The following GON4L variants were observed in gnomAD, a reference collection of about 807,000 sequenced individuals.
GON4L encodes GON-4-like protein.
Under a neutral mutation model 211.8 loss-of-function variants are expected in GON4L, and 87 were observed. The observed-to-expected ratio is 0.41, with a 90% CI of 0.35 to 0.49. GON4L has a LOEUF of 0.49. Ranked by LOEUF, GON4L falls within the 20% of genes least tolerant of loss-of-function variation. GON4L has a pLI of 0.15. For missense variants in GON4L, 2,155 were observed against 2,659.5 expected, an observed-to-expected ratio of 0.81 and a Z score of 4.17; for synonymous variants, 875 against 962.6, an observed-to-expected ratio of 0.91 and a Z score of 1.68.
intron 14 of GON4L, among the ~76,000 whole-genome samples, chr1:155,781,746 C>A (rs775015749): frequency 2.6e-5 from 4 of 151,492 alleles, no homozygotes; most frequent in Non-Finnish European, 5.9e-5. Flanking sequence ...CTGGCGTGAG[C>A]CACCGCACCC....
rs1217696761 is a variant in GON4L at position 155,752,385 on chromosome 1, CTCTT to C, written c.6044_6047del (p.Lys2015ArgfsTer8). 6.3e-7 allele frequency: 1 copy of C among 1,592,238 alleles called. No homozygotes were observed. The highest frequency in any genetic ancestry group is 8.6e-7 in the Non-Finnish European group (1 of 1,167,930). The stretch of plus-strand genomic sequence containing the variant: ...CACTCACTGCCTTTTGGCCCTCCCT[CTCTT>C]TCTGAAGTCTGGGGGATGCCTTGGG... On this transcript the variant is annotated frameshift_variant, in exon 30 of 32. Transcript: ENST00000368331. LOFTEE classifies it high-confidence loss of function.
chr1:155,752,715 C>T (rs12134456), intron 29 of GON4L, 125 bp from the exon 30 acceptor site: 1 of 1,446,956 alleles, frequency 6.9e-7, no homozygotes. Flanking sequence ...CATGGTGGCT[C>T]ACACCTATAA....
chr1:155,752,748 A>T (rs1330077197), intron 29 of GON4L, among the ~76,000 whole-genome samples, 158 bp from the exon 30 acceptor site: 2 of 152,162 alleles, frequency 1.3e-5, no homozygotes, highest in Admixed American at 1.3e-4. Flanking sequence ...GGGAAGCCAA[A>T]GTGGTGGGAC....
At chr1:155,846,174 C>T in intron 2 of GON4L, 1 of 231,110 alleles carries the variant, frequency 4.3e-6, no homozygotes, top group Admixed American at 4.1e-5. Context: ...TCTGTGATCA[C>T]CCTACACAAC....
Position 155,762,206 on chromosome 1 carries a change from T to C in GON4L, c.4895A>G (p.Gln1632Arg). Residue 1632 changes from glutamine (Q) to arginine (R), a missense_variant, in exon 23 of 32, where the codon CAA becomes CGA. By Grantham distance (43) the Gln-to-Arg change is conservative. Around this residue, in one of 6 missense-constraint regions of GON4L, gnomAD observed 455 missense variants for 504.6 expected, o/e 0.90. Transcript: ENST00000368331. Reference protein sequence around the residue: ...LREQKDLAFAQAYLTRVREAL... With the variant: ...LREQKDLAFARAYLTRVREAL... The stretch of plus-strand genomic sequence containing the variant: ...TTTGCCTACCCTGGTCAGATAAGCT[T>C]GGGCAAAGGCCAAGTCCTTCTGCTC... The C allele has an allele frequency of 1.2e-6, 2 of 1,607,848 alleles. No homozygotes were observed. Among genetic ancestry groups the C allele is most frequent in the Non-Finnish European group, 1.7e-6 (2 of 1,177,270 alleles).
chr1:155,777,539 A>G, intron 15 of GON4L, 83 bp downstream of exon 15: 1 of 1,007,294 alleles, frequency 9.9e-7, no homozygotes. Flanking sequence ...ATATCGGGCC[A>G]CTGCACTCCA....
chr1:155,751,663 C>T (rs2101604551), intron 31 of GON4L, 104 bp downstream of exon 31: 6 of 780,180 alleles, frequency 7.7e-6, no homozygotes, highest in Non-Finnish European at 1.1e-5. Context: ...TTTACAAAAA[C>T]CACTTATTAT....
At chr1:155,839,691 G>C (rs1474617398) in intron 2 of GON4L, among the ~76,000 whole-genome samples, 2 of 150,968 alleles carry the variant, frequency 1.3e-5, no homozygotes, top group African/African-American at 2.4e-5. Flanking sequence ...AAGTCAGAAA[G>C]TTCATTCAAC....
intron 2 of GON4L, among the ~76,000 whole-genome samples, chr1:155,830,479 G>A (rs1669654660): frequency 1.3e-5 from 2 of 151,838 alleles, no homozygotes; most frequent in South Asian, 4.2e-4. Flanking sequence ...GTTTCTCCAT[G>A]TTGGTCAGGC....
chr1:155,808,616 G>A (rs771682303), intron 10 of GON4L, among the ~76,000 whole-genome samples: 10 of 151,932 alleles, frequency 6.6e-5, no homozygotes, highest in Non-Finnish European at 1.3e-4. Context: ...TCTCCTCAAA[G>A]AGGCCTTTTT....
At chr1:155,815,059 A>C (rs1377898882) in intron 8 of GON4L, among the ~76,000 whole-genome samples, 1 of 152,082 alleles carries the variant, frequency 6.6e-6, no homozygotes, top group Non-Finnish European at 1.5e-5. Context: ...GATGGCAGTG[A>C]GCCAACATCG....
At chr1:155,791,437 GAGA>G (rs774240237) in intron 12 of GON4L, among the ~76,000 whole-genome samples, 30 of 151,220 alleles carry the variant, frequency 2.0e-4, no homozygotes, top group Non-Finnish European at 2.9e-5. Context: ...CAAGGCTTTG[GAGA>G]AGAAGAAACC....
At chr1:155,761,351 AT>A (rs111459761) in intron 23 of GON4L, among the ~76,000 whole-genome samples, 9 of 146,876 alleles carry the variant, frequency 6.1e-5, no homozygotes, top group Non-Finnish European at 7.5e-5. Context: ...TTAGCTCACT[AT>A]TTTTTTTTTA....
chr1:155,773,376 A>T, intron 17 of GON4L, 166 bp from the exon 18 acceptor site: 1 of 687,650 alleles, frequency 1.5e-6, no homozygotes, highest in South Asian at 1.9e-5. Flanking sequence ...TCTTAAGCTA[A>T]CATTATATCT....
chr1:155,770,757 G>C (rs56758819), intron 19 of GON4L, among the ~76,000 whole-genome samples: 1 of 152,100 alleles, frequency 6.6e-6, no homozygotes, highest in Non-Finnish European at 1.5e-5. Context: ...GCTGAGGCAG[G>C]AGACACCGAG....
chr1:155,832,100 C>A (rs866414044), intron 2 of GON4L, among the ~76,000 whole-genome samples: 2 of 151,204 alleles, frequency 1.3e-5, no homozygotes, highest in South Asian at 4.2e-4. Context: ...CATGGCGAAA[C>A]CCTATCTCTA....
At chr1:155,781,123 TTTA>T (rs936106490) in intron 14 of GON4L, among the ~76,000 whole-genome samples, 25 of 151,346 alleles carry the variant, frequency 1.7e-4, no homozygotes, top group East Asian at 3.9e-4. Context: ...AGTTGTATTT[TTTA>T]TTATTATTAT....
At chr1:155,804,218 A>T (rs1749417) in intron 11 of GON4L, among the ~76,000 whole-genome samples, 132,046 of 151,938 alleles carry the variant, frequency 0.87, 58,710 homozygotes, top group East Asian at 1. Context: ...AGAAATTTTT[A>T]AAAAATTAGC....
intron 11 of GON4L, among the ~76,000 whole-genome samples, chr1:155,804,317 A>G (rs1666944370): frequency 6.6e-6 from 1 of 152,132 alleles, no homozygotes; most frequent in African/African-American, 2.4e-5. Context: ...TTAAGGCTAC[A>G]GTGAGCTATG....
Sources: gnomAD v4.1 joint callset for allele counts (sites outside exome capture counted in the v4.1 genomes callset) on GRCh38, gnomAD v4.1.1 for gene constraint, gnomAD v4.1.1 regional missense constraint, MANE v1.5 for transcripts, NCBI Gene and HGNC (gene_info 2026-07-23, HGNC 2026-07-21) for gene names.